PRDM5: variants seen among roughly 807,000 people sequenced by gnomAD.
PRDM5 encodes the protein PR/SET domain 5, also known as PR domain zinc finger protein 5.
Under a neutral mutation model 81.2 loss-of-function variants are expected in PRDM5, and 56 were observed. The ratio of observed to expected loss-of-function variants is 0.69; its 90% confidence interval spans 0.56 to 0.86. The LOEUF is 0.86. Ranked by LOEUF, PRDM5 falls within the 40% of genes least tolerant of loss-of-function variation. The pLI, the probability that PRDM5 is intolerant of heterozygous loss-of-function variation, is 0.00. For synonymous variants in PRDM5, 267 were observed against 256.4 expected, an observed-to-expected ratio of 1.04 and a Z score of -0.39; for missense variants, 697 against 770.1, an observed-to-expected ratio of 0.91 and a Z score of 1.12.
At chr4:120,803,521 C>A (rs1374479051) in intron 8 of PRDM5, among the ~76,000 whole-genome samples, 2 of 152,158 alleles carry the variant, frequency 1.3e-5, no homozygotes, top group African/African-American at 4.8e-5. Context: ...GCAGAAACTC[C>A]ACAAGCCAGA....
At chr4:120,824,792 T>C (rs574953978) in intron 3 of PRDM5, among the ~76,000 whole-genome samples, 6 of 152,116 alleles carry the variant, frequency 3.9e-5, no homozygotes, top group Non-Finnish European at 8.8e-5. Context: ...TTTTAAAACA[T>C]TTATCAAATA....
chr4:120,691,890 T>C (rs2148979162), downstream of PRDM5: 1 of 152,110 alleles, frequency 6.6e-6, no homozygotes, highest in African/African-American at 2.4e-5. Flanking sequence ...AGTTCTATAG[T>C]AAAATAAAAT....
chr4:120,805,910 T>C (rs1363184052), intron 8 of PRDM5, among the ~76,000 whole-genome samples: 1 of 152,152 alleles, frequency 6.6e-6, no homozygotes, highest in Non-Finnish European at 1.5e-5. Context: ...GGAAGTCAAA[T>C]TGTCCGTTTG....
intron 11 of PRDM5, among the ~76,000 whole-genome samples, chr4:120,784,701 A>G (rs1042230640): frequency 6.6e-6 from 1 of 152,196 alleles, no homozygotes; most frequent in Non-Finnish European, 1.5e-5. Flanking sequence ...GTGTCAAAAC[A>G]AAACTCAAAG....
chr4:120,798,111 G>A (rs759806718), intron 10 of PRDM5, among the ~76,000 whole-genome samples, 156 bp downstream of exon 10: 4 of 152,130 alleles, frequency 2.6e-5, no homozygotes, highest in Non-Finnish European at 5.9e-5. Flanking sequence ...AGACAGGAAG[G>A]AGGCTGTGAG....
chr4:120,747,302 G>T (rs864014), intron 14 of PRDM5, among the ~76,000 whole-genome samples: 1 of 101,820 alleles, frequency 9.8e-6, no homozygotes, highest in Admixed American at 1.3e-4. Context: ...GGGGAGGGGG[G>T]AGGGATAGCA....
chr4:120,908,731 G>A (rs897468247), intron 1 of PRDM5, among the ~76,000 whole-genome samples: 2 of 152,172 alleles, frequency 1.3e-5, no homozygotes, highest in African/African-American at 4.8e-5. Context: ...ATAATTGTAA[G>A]TAATTTAAAC....
intron 2 of PRDM5, among the ~76,000 whole-genome samples, chr4:120,899,383 A>C (rs1163193020): frequency 1.3e-5 from 2 of 152,178 alleles, no homozygotes; most frequent in East Asian, 3.9e-4. Context: ...CACACAGCTG[A>C]TTGGCAATAG....
chr4:120,864,847 C>A (rs1387551336), intron 2 of PRDM5, among the ~76,000 whole-genome samples: 1 of 152,198 alleles, frequency 6.6e-6, no homozygotes, highest in African/African-American at 2.4e-5. Flanking sequence ...CTCAGAAGAG[C>A]CCGTACATCC....
chr4:120,790,241 G>A (rs552292811), intron 10 of PRDM5, among the ~76,000 whole-genome samples: 7 of 152,254 alleles, frequency 4.6e-5, no homozygotes, highest in Non-Finnish European at 8.8e-5. Flanking sequence ...ATTTATTACA[G>A]CTAACTTAGA....
chr4:120,920,091 G>A (rs1579248538), intron 1 of PRDM5, among the ~76,000 whole-genome samples: 2 of 152,156 alleles, frequency 1.3e-5, no homozygotes, highest in East Asian at 1.9e-4. Flanking sequence ...TGCACGAAAA[G>A]GGGTAGGACT....
At chr4:120,734,388 T>C (rs1162366201) in intron 14 of PRDM5, among the ~76,000 whole-genome samples, 1 of 107,658 alleles carries the variant, frequency 9.3e-6, no homozygotes, top group Non-Finnish European at 1.8e-5. Context: ...GAGATGTTAG[T>C]GGAACACACA....
intron 2 of PRDM5, among the ~76,000 whole-genome samples, chr4:120,886,552 C>CA (rs879675678): frequency 2.6e-5 from 4 of 152,148 alleles, no homozygotes; most frequent in Admixed American, 6.5e-5. Flanking sequence ...AGGCAAGGCT[C>CA]AGAGAATTAA....
chr4:120,689,556 G>A (rs1404370795), downstream of PRDM5, among the ~76,000 whole-genome samples: 4 of 151,746 alleles, frequency 2.6e-5, no homozygotes, highest in African/African-American at 9.7e-5. Context: ...AACTAGACAA[G>A]TCAAAAGTAA....
At chr4:120,786,549 T>A (rs1749789521) in intron 10 of PRDM5, among the ~76,000 whole-genome samples, 1 of 152,158 alleles carries the variant, frequency 6.6e-6, no homozygotes, top group Non-Finnish European at 1.5e-5. Context: ...AAAAGTAATG[T>A]TGGATCTACC....
At chr4:120,740,585 G>A (rs1741777710) in intron 14 of PRDM5, among the ~76,000 whole-genome samples, 1 of 152,086 alleles carries the variant, frequency 6.6e-6, no homozygotes, top group African/African-American at 2.4e-5. Flanking sequence ...TACTGAGTAT[G>A]TCTAAACCTT....
At chr4:120,824,686 T>C (rs1309863683) in intron 3 of PRDM5, among the ~76,000 whole-genome samples, 1 of 152,166 alleles carries the variant, frequency 6.6e-6, no homozygotes, top group Admixed American at 6.5e-5. Context: ...TTTGGCTCAT[T>C]ACTTCTACTG....
At chr4:120,821,424 T>C (rs751120126) in intron 3 of PRDM5, 79 bp from the exon 4 acceptor site, 1 of 1,328,968 alleles carries the variant, frequency 7.5e-7, no homozygotes, top group Non-Finnish European at 1.1e-6. Context: ...GATACATTAA[T>C]GGAGTACTAT....
chr4:120,878,969 A>T (rs1371243856), intron 2 of PRDM5, among the ~76,000 whole-genome samples: 2 of 152,210 alleles, frequency 1.3e-5, no homozygotes, highest in Non-Finnish European at 2.9e-5. Flanking sequence ...TCTTTGGAAG[A>T]CACTTTGACA....
Sources: gnomAD v4.1 joint callset for allele counts (sites outside exome capture counted in the v4.1 genomes callset) on GRCh38, gnomAD v4.1.1 for gene constraint, MANE v1.5 for transcripts, NCBI Gene and HGNC (gene_info 2026-07-23, HGNC 2026-07-21) for gene names.